The following CCDC42 variants were observed in gnomAD, a reference collection of about 807,000 sequenced individuals.
The protein encoded by CCDC42 is coiled-coil domain containing 42.
A neutral mutation model predicts 40.8 loss-of-function variants in CCDC42; 38 were observed. The observed-to-expected ratio is 0.93, with a 90% CI of 0.72 to 1.22. CCDC42 has a LOEUF of 1.22. CCDC42 is among the 50% of genes most tolerant of loss of function. CCDC42 has a pLI of 0.00. For synonymous variants in CCDC42, 135 were observed against 157.5 expected (o/e 0.86, Z 1.07); for missense variants, 379 against 416.5 (o/e 0.91, Z 0.78).
At chr17:8,741,774 C>T in intron 3 of CCDC42, 103 bp from the exon 4 acceptor site, 1 of 1,134,312 alleles carries the variant, frequency 8.8e-7, no homozygotes, top group Non-Finnish European at 1.3e-6. Context: ...TCTGTCTGCA[C>T]AAACCATCCT....
Position 8,744,742 on chromosome 17 carries a change from G to A in CCDC42, c.-133C>T, listed in dbSNP as rs957464711. 7.4e-6 allele frequency: 5 copies of A among 676,518 alleles called. No individual in the cohort carries two copies. The highest frequency in any genetic ancestry group is 1.3e-5 in the Non-Finnish European group (5 of 376,302). 41.9% of individuals were successfully genotyped at this position (676,518 alleles called of 1,614,324 possible). ...CGGCCTACAGGGTCCCACAGATGAT[G>A]GAGTTTGAGACTCCACAGAAGGTGG... On this transcript the variant is annotated 5_prime_UTR_variant, in exon 1 of 7. Coordinates refer to ENST00000293845, the MANE Select transcript of CCDC42 (RefSeq NM_144681.3).
rs1188812725 is a variant in CCDC42 at position 8,734,956 on chromosome 17, C to A, written c.873+140G>T. On this transcript the variant is annotated intron_variant, in intron 6 of 6. Transcript: ENST00000293845. ...GTGGGGCCCAGTAATACTCCTCACC[C>A]TCCCAGGTGATCCTGATGTTGTTAA... The A allele has an allele frequency of 2.0e-5, 17 of 841,122 alleles. No homozygotes were observed. The South Asian group carries it at 2.5e-4, about 13-fold the overall frequency. The allele number at this position is 841,122 out of a possible 1,614,324, so 52.1% of individuals were successfully genotyped here. A position where few individuals can be genotyped will look rare whatever the true frequency, so the allele number is the denominator to read the frequency against.
Position 8,743,634 on chromosome 17 carries a change from A to T in CCDC42, c.286T>A (p.Phe96Ile). ...CCCACACCCCTTCAAACCTGGATGA[A>T]CTGCTCAGACTTCTGGATGTGAGCC... The part of the protein sequence containing the change: ...LKAHIQKSEQ[F>I]IQENDQKRIR... The change falls in exon 3 of 7, where the codon TTC becomes ATC. Residue 96 changes from phenylalanine to isoleucine, a missense_variant. Coordinates refer to ENST00000293845, the MANE Select transcript of CCDC42 (RefSeq NM_144681.3). The T allele has an allele frequency of 6.2e-7, 1 of 1,605,222 alleles. No individual in the cohort carries two copies. Among genetic ancestry groups the T allele is most frequent in the Non-Finnish European group, 8.5e-7 (1 of 1,171,908 alleles).
intron 4 of CCDC42, among the ~76,000 whole-genome samples, chr17:8,739,257 C>A (rs1418900389): frequency 1.3e-5 from 2 of 152,108 alleles, no homozygotes; most frequent in African/African-American, 2.4e-5. Flanking sequence ...GCAGAACAGA[C>A]CAGATCTGCT....
At chr17:8,737,854 T>C (rs2086620876) in intron 4 of CCDC42, among the ~76,000 whole-genome samples, 1 of 152,218 alleles carries the variant, frequency 6.6e-6, no homozygotes, top group Admixed American at 6.5e-5. Flanking sequence ...CTCACTCTAT[T>C]GTTCAGGCTG....
chr17:8,740,146 A>G lies in CCDC42; in HGVS notation c.492+1328T>C, dbSNP rs1395674569. 4.6e-5 allele frequency among the ~76,000 whole-genome samples: 7 copies of G among 152,184 alleles called. No homozygotes were observed. In the Middle Eastern group the frequency reaches 0.014, roughly 296 times the overall value. On this transcript the variant is annotated intron_variant, in intron 4 of 6. Transcript: ENST00000293845. Reference sequence around the variant, plus strand: ...AGGGGATCTTCTGGCTGTTGGTCACATGGGGGAGGAGATAATGTGACATGG... The same window carrying G: ...AGGGGATCTTCTGGCTGTTGGTCACGTGGGGGAGGAGATAATGTGACATGG...
Position 8,744,189 on chromosome 17 carries a change from C to T in CCDC42, c.84-5G>A. On this transcript the variant is annotated splice_polypyrimidine_tract_variant and splice_region_variant and intron_variant, in intron 1 of 6. Coordinates refer to ENST00000293845, the MANE Select transcript of CCDC42 (RefSeq NM_144681.3). ...CCCTCAACATTGGGGAGTTTCCTGT[C>T]CAAGATGTGAACGCGAGAGGGCTGT... is the stretch of plus-strand genomic sequence containing the variant. 6.2e-7 allele frequency: 1 copy of T among 1,609,906 alleles called. No homozygotes were observed. The highest frequency in any genetic ancestry group is 8.5e-7 in the Non-Finnish European group (1 of 1,176,894).
chr17:8,741,756 C>G (rs979775442), intron 3 of CCDC42, 85 bp from the exon 4 acceptor site: 6 of 1,337,582 alleles, frequency 4.5e-6, no homozygotes, highest in Non-Finnish European at 5.2e-6. Context: ...GTGGTGCCCT[C>G]AGACCCCTCT....
At chr17:8,738,419 A>G (rs1467337997) in intron 4 of CCDC42, among the ~76,000 whole-genome samples, 1 of 152,072 alleles carries the variant, frequency 6.6e-6, no homozygotes, top group Non-Finnish European at 1.5e-5. Context: ...CCGTATAAAA[A>G]GTTACAAAAC....
chr17:8,736,357 G>A (rs1412205573), intron 4 of CCDC42, among the ~76,000 whole-genome samples: 2 of 152,170 alleles, frequency 1.3e-5, no homozygotes, highest in African/African-American at 2.4e-5. Context: ...GGTGCTGGTG[G>A]GGCAGGTGGC....
chr17:8,737,060 G>GAAAAA (rs143457647), intron 4 of CCDC42, among the ~76,000 whole-genome samples: 11 of 149,662 alleles, frequency 7.3e-5, no homozygotes, highest in Non-Finnish European at 1.5e-4. Flanking sequence ...AAAGAAAAAA[G>GAAAAA]AAAAGAAAAA....
At chr17:8,736,997 GAGAA>G (rs1251517263) in intron 4 of CCDC42, among the ~76,000 whole-genome samples, 3 of 128,614 alleles carry the variant, frequency 2.3e-5, no homozygotes, top group African/African-American at 8.5e-5. Context: ...GGGAGGGAGG[GAGAA>G]AGGAAGGAAA....
At position 8,735,145 on chromosome 17, in the gene CCDC42, T is replaced by G. The variant is rs759334299; in HGVS notation, c.824A>C (p.Lys275Thr). 2 of 1,614,166 alleles carry G rather than the reference T, an allele frequency of 1.2e-6. No individual in the cohort carries two copies. The highest frequency in any genetic ancestry group is 1.7e-6 in the Non-Finnish European group (2 of 1,180,016). ...NLFQIVSKHL[K>T]EVTEVALEDT... ...CTCCAGTGCCACCTCAGTCACCTCC[T>G]TCAGGTGCTTGCTCACGATCTGGAA... The change falls in exon 6 of 7, where the codon AAG becomes ACG. Residue 275 changes from lysine (K) to threonine (T), a missense_variant. Physicochemically the swap from Lys to Thr is moderately conservative, Grantham distance 78. Coordinates refer to ENST00000293845, the MANE Select transcript of CCDC42 (RefSeq NM_144681.3). This position sits in a 1 kb window ranked among gnomAD's most constrained non-coding sequence, Gnocchi z 4.7.
At position 8,735,107 on chromosome 17, in the gene CCDC42, G is replaced by C. The variant is rs1013272912; in HGVS notation, c.862C>G (p.Gln288Glu). The C allele has an allele frequency of 6.2e-7, 1 of 1,614,046 alleles. No individual in the cohort carries two copies. Among genetic ancestry groups the C allele is most frequent in the Non-Finnish European group, 8.5e-7 (1 of 1,180,026 alleles). The change falls in exon 6 of 7, where the codon CAG (glutamine) becomes GAG (glutamate). Residue 288 changes from glutamine (Q) to glutamate (E), a missense_variant. Physicochemically the swap from Gln to Glu is conservative, Grantham distance 29. Coordinates refer to ENST00000293845, the MANE Select transcript of CCDC42 (RefSeq NM_144681.3). This position sits in a 1 kb window ranked among gnomAD's most constrained non-coding sequence, Gnocchi z 4.7. Reference sequence around the variant, plus strand: ...TCCCCTCCTCCTACCATGTCCAGCTGCTTGTGGGTGTCCTCCAGTGCCACC... The same window carrying C: ...TCCCCTCCTCCTACCATGTCCAGCTCCTTGTGGGTGTCCTCCAGTGCCACC... ...TEVALEDTHK[Q>E]LDMIQQFIQD...
At chr17:8,738,488 C>T (rs796424440) in intron 4 of CCDC42, among the ~76,000 whole-genome samples, 11 of 135,812 alleles carry the variant, frequency 8.1e-5, no homozygotes, top group African/African-American at 2.8e-4. Context: ...TTTTTTGAGA[C>T]GGAGTCTAGC....
chr17:8,742,854 C>G (rs1424179424), intron 3 of CCDC42, among the ~76,000 whole-genome samples: 5 of 152,352 alleles, frequency 3.3e-5, no homozygotes, highest in Non-Finnish European at 7.3e-5. Flanking sequence ...CCTCTGAGAG[C>G]CATTTGGAGA....
chr17:8,731,742 A>G (rs957931499), intron 6 of CCDC42, among the ~76,000 whole-genome samples: 5 of 152,310 alleles, frequency 3.3e-5, no homozygotes, highest in South Asian at 4.1e-4. Context: ...ACATACTGGG[A>G]TCTGCTTGAG....
chr17:8,733,462 C>T (rs34231892), intron 6 of CCDC42, among the ~76,000 whole-genome samples: 50,474 of 152,022 alleles, frequency 0.33, 9,488 homozygotes, highest in Non-Finnish European at 0.44. Flanking sequence ...AGGAGATGTG[C>T]CTGTGGGAGT....
chr17:8,739,083 A>C (rs2086627095), intron 4 of CCDC42, among the ~76,000 whole-genome samples: 1 of 152,194 alleles, frequency 6.6e-6, no homozygotes, highest in Non-Finnish European at 1.5e-5. Context: ...GTATTCTTAA[A>C]GTATTTTGAA....
Sources: allele counts gnomAD v4.1 joint callset (sites outside exome capture counted in the v4.1 genomes callset), GRCh38; gene constraint gnomAD v4.1.1; non-coding constraint Gnocchi (gnomAD v3.1); transcripts MANE v1.5; gene names NCBI Gene and HGNC (gene_info 2026-07-23, HGNC 2026-07-21).